GPR137B: variants seen among roughly 807,000 people sequenced by gnomAD.
The protein encoded by GPR137B is integral membrane protein GPR137B.
Under a neutral mutation model 42.5 loss-of-function variants are expected in GPR137B, and 42 were observed. The observed-to-expected ratio is 0.99, with a 90% CI of 0.77 to 1.28. GPR137B has a LOEUF of 1.28. GPR137B is among the 50% of genes most tolerant of loss of function. GPR137B has a pLI of 0.00. For synonymous variants in GPR137B, 218 were observed against 209.7 expected, an observed-to-expected ratio of 1.04 and a Z score of -0.34; for missense variants, 487 against 493.9, an observed-to-expected ratio of 0.99 and a Z score of 0.13.
intron 1 of GPR137B, among the ~76,000 whole-genome samples, chr1:236,148,919 C>T (rs140319316): frequency 6.6e-6 from 1 of 152,146 alleles, no homozygotes; most frequent in Non-Finnish European, 1.5e-5. Context: ...TGGCTGGTTA[C>T]CACCTCTCTA....
At chr1:236,180,094 C>A in intron 4 of GPR137B, 66 bp downstream of exon 4, 1 of 1,388,372 alleles carries the variant, frequency 7.2e-7, no homozygotes, top group Non-Finnish European at 1.0e-6. Context: ...GGCATTGGTT[C>A]CAGGACCCCA....
intron 1 of GPR137B, among the ~76,000 whole-genome samples, chr1:236,158,512 C>T (rs1662096367): frequency 6.6e-6 from 1 of 152,204 alleles, no homozygotes; most frequent in Admixed American, 6.5e-5. Flanking sequence ...GCTGTTATTT[C>T]TTTGTATATA....
chr1:236,169,250 G>A (rs921417771), intron 2 of GPR137B, among the ~76,000 whole-genome samples: 1 of 150,338 alleles, frequency 6.7e-6, no homozygotes, highest in Non-Finnish European at 1.5e-5. Context: ...GCAGGTGCAG[G>A]TGCAGCTGTG....
intron 2 of GPR137B, among the ~76,000 whole-genome samples, chr1:236,170,262 A>G (rs1241900347): frequency 6.6e-6 from 1 of 152,156 alleles, no homozygotes; most frequent in African/African-American, 2.4e-5. Flanking sequence ...TTTTTAAAAT[A>G]TGTTAAATCG....
At chr1:236,157,384 C>T (rs139923677) in intron 1 of GPR137B, among the ~76,000 whole-genome samples, 1,963 of 152,238 alleles carry the variant, frequency 0.013, 41 homozygotes, top group African/African-American at 0.045. Flanking sequence ...CCACCACGCC[C>T]GGCTAATTTT....
Position 236,150,810 on chromosome 1 carries a change from C to T in GPR137B, c.414+7774C>T, listed in dbSNP as rs561599923. ...CAGGGAGGCAGGGCCGGAGCACTGT[C>T]CTGAGGCTAGTGCAGGTTCTCAGTG... On this transcript the variant is annotated intron_variant, in intron 1 of 6. Coordinates refer to ENST00000366592, the MANE Select transcript of GPR137B (RefSeq NM_003272.4). This position sits in a 1 kb window ranked among gnomAD's most constrained non-coding sequence, Gnocchi z 6.2. Among the ~76,000 whole-genome samples the T allele has an allele frequency of 2.0e-5, 3 of 152,286 alleles. No homozygotes were observed. The highest frequency in any genetic ancestry group is 3.9e-4 in the East Asian group (2 of 5,178).
At chr1:236,197,806 C>T (rs554367182) in intron 5 of GPR137B, among the ~76,000 whole-genome samples, 6 of 152,092 alleles carry the variant, frequency 3.9e-5, no homozygotes, top group East Asian at 1.9e-4. Context: ...TTGGAACCTC[C>T]GCCTCCCAGG....
At chr1:236,204,996 A>G (rs995647732) in intron 5 of GPR137B, 130 bp from the exon 6 acceptor site, 48 of 729,804 alleles carry the variant, frequency 6.6e-5, no homozygotes, top group Non-Finnish European at 9.9e-5. Context: ...TGAATATTCC[A>G]GCTGAACAGA....
chr1:236,145,855 CT>C (rs1320800067), intron 1 of GPR137B, among the ~76,000 whole-genome samples: 1 of 152,118 alleles, frequency 6.6e-6, no homozygotes, highest in African/African-American at 2.4e-5. Flanking sequence ...TGAGGTTTGT[CT>C]TTTATGTACA....
chr1:236,166,661 T>C (rs527717139), intron 1 of GPR137B, among the ~76,000 whole-genome samples: 42 of 151,416 alleles, frequency 2.8e-4, no homozygotes, highest in Non-Finnish European at 2.2e-4. Context: ...TCGGAGGAGG[T>C]TATAAAAGGG....
In GPR137B at chr1:236,171,572, G is replaced by A. The variant is rs1236946132; in HGVS notation, c.464+2817G>A. Among the ~76,000 whole-genome samples the A allele has an allele frequency of 6.6e-6, 1 of 152,220 alleles. No individual in the cohort carries two copies. The highest frequency in any genetic ancestry group is 2.4e-5 in the African/African-American group (1 of 41,454). On this transcript the variant is annotated intron_variant, in intron 2 of 6. Transcript: ENST00000366592. The surrounding 1 kb of genome is among the most constrained non-coding windows in gnomAD (Gnocchi z 4.4). ...AAAGCTTTCAACCTCTGAGCACGGG[G>A]ACTGGGGTCTTCGGGTGAGAAGATA... is the stretch of plus-strand genomic sequence containing the variant.
intron 5 of GPR137B, among the ~76,000 whole-genome samples, chr1:236,200,675 T>C (rs952430748): frequency 6.6e-6 from 1 of 152,032 alleles, no homozygotes; most frequent in Non-Finnish European, 1.5e-5. Context: ...GCTTACTTTT[T>C]GTTTTCATTT....
chr1:236,202,940 TCCCAGCACCA>T (rs1663538809), intron 5 of GPR137B, among the ~76,000 whole-genome samples: 1 of 152,222 alleles, frequency 6.6e-6, no homozygotes, highest in African/African-American at 2.4e-5. Context: ...TATCTAGTTT[TCCCAGCACCA>T]TTTATTGAAG....
chr1:236,144,825 G>A (rs1246345046), intron 1 of GPR137B, among the ~76,000 whole-genome samples: 1 of 152,188 alleles, frequency 6.6e-6, no homozygotes, highest in Non-Finnish European at 1.5e-5. Context: ...CCCCTTTTTG[G>A]GGGGCAGTGG....
rs555135117 is a variant in GPR137B at position 236,143,865 on chromosome 1, T to C, written c.414+829T>C. ...TAATTGTTGAGCACTTTGCAAATAC[T>C]TTGTATAGCGTTGCACAAAGGTTTA... On this transcript the variant is annotated intron_variant, in intron 1 of 6. Coordinates refer to ENST00000366592, the MANE Select transcript of GPR137B (RefSeq NM_003272.4). Among the ~76,000 whole-genome samples the C allele has an allele frequency of 2.0e-5, 3 of 152,352 alleles. No homozygotes were observed. The South Asian group carries it at 6.2e-4, about 32-fold the overall frequency.
At chr1:236,159,712 G>A (rs1425223955) in intron 1 of GPR137B, among the ~76,000 whole-genome samples, 2 of 152,212 alleles carry the variant, frequency 1.3e-5, no homozygotes, top group Non-Finnish European at 2.9e-5. Flanking sequence ...TGAGGGCAGG[G>A]GGCAGAGTCC....
At chr1:236,180,883 C>A (rs1202971269) in intron 4 of GPR137B, among the ~76,000 whole-genome samples, 1 of 152,106 alleles carries the variant, frequency 6.6e-6, no homozygotes. Context: ...TCCCACAGTG[C>A]TAGGATTACA....
intron 2 of GPR137B, 41 bp from the exon 3 acceptor site, chr1:236,178,373 C>A: frequency 8.4e-7 from 1 of 1,186,128 alleles, no homozygotes; most frequent in Non-Finnish European, 1.3e-6. Flanking sequence ...TCTAGACTGA[C>A]CTGGGATGTG....
At chr1:236,191,200 A>T (rs552298666) in intron 5 of GPR137B, among the ~76,000 whole-genome samples, 1 of 152,060 alleles carries the variant, frequency 6.6e-6, no homozygotes, top group Non-Finnish European at 1.5e-5. Context: ...CAGGTCATTT[A>T]TATTCTCCTC....
Sources: gnomAD v4.1 joint callset for allele counts (sites outside exome capture counted in the v4.1 genomes callset) on GRCh38, gnomAD v4.1.1 for gene constraint, Gnocchi (gnomAD v3.1) non-coding constraint, MANE v1.5 for transcripts, NCBI Gene and HGNC (gene_info 2026-07-23, HGNC 2026-07-21) for gene names.